RELN: variants seen among roughly 807,000 people sequenced by gnomAD.
The protein encoded by RELN is reelin.
RELN carries 108 observed loss-of-function variants against 427.6 expected under a neutral mutation model. That is an observed-to-expected ratio of 0.25 (90% CI 0.22 to 0.30). The LOEUF is 0.30. RELN is among the 10% of genes least tolerant of loss of function. The pLI is 1.00. For synonymous variants in RELN, 1,524 were observed against 1,513.4 expected (o/e 1.01, Z -0.16); for missense variants, 3,715 against 4,302.8 (o/e 0.86, Z 3.82).
At chr7:103,727,840 AC>A (rs1790251378) in intron 7 of RELN, among the ~76,000 whole-genome samples, 1 of 152,146 alleles carries the variant, frequency 6.6e-6, no homozygotes, top group Non-Finnish European at 1.5e-5. Flanking sequence ...TATAGCAAAT[AC>A]TCATATTTTT....
chr7:103,564,061 T>A (rs1426177063), intron 34 of RELN, among the ~76,000 whole-genome samples: 1 of 152,208 alleles, frequency 6.6e-6, no homozygotes, highest in Admixed American at 6.5e-5. Flanking sequence ...ATTTGGATCC[T>A]GGCATCAGCT....
chr7:103,936,931 T>G (rs1796000643), intron 1 of RELN, among the ~76,000 whole-genome samples: 1 of 152,230 alleles, frequency 6.6e-6, no homozygotes. Flanking sequence ...ATAAGATACT[T>G]CTAGATAATC....
intron 51 of RELN, 54 bp from the exon 52 acceptor site, chr7:103,503,284 C>A: frequency 6.5e-7 from 1 of 1,539,692 alleles, no homozygotes; most frequent in East Asian, 2.3e-5. Context: ...TATGATTCTT[C>A]TCCAAGGACT....
At chr7:103,881,789 A>C (rs1794612827) in intron 2 of RELN, among the ~76,000 whole-genome samples, 1 of 152,166 alleles carries the variant, frequency 6.6e-6, no homozygotes, top group South Asian at 2.1e-4. Flanking sequence ...CCCTGCCCAA[A>C]GTAAAACATC....
chr7:103,734,461 C>T (rs550048959), intron 6 of RELN, among the ~76,000 whole-genome samples: 2 of 152,240 alleles, frequency 1.3e-5, no homozygotes, highest in African/African-American at 4.8e-5. Flanking sequence ...GATTGTCCAC[C>T]TCAAAAATAT....
intron 2 of RELN, among the ~76,000 whole-genome samples, chr7:103,857,297 T>C (rs988373479): frequency 7.2e-5 from 11 of 152,220 alleles, no homozygotes; most frequent in Non-Finnish European, 2.9e-5. Flanking sequence ...TATGAATGTT[T>C]TTAAGAAATG....
intron 20 of RELN, among the ~76,000 whole-genome samples, chr7:103,615,715 T>C (rs988071574): frequency 6.6e-6 from 1 of 152,186 alleles, no homozygotes; most frequent in African/African-American, 2.4e-5. Context: ...TGAAGTCCTT[T>C]CTACTATGTC....
chr7:103,908,170 G>T (rs181509278), intron 2 of RELN, among the ~76,000 whole-genome samples: 2 of 152,164 alleles, frequency 1.3e-5, no homozygotes, highest in East Asian at 3.9e-4. Context: ...AGGCTCTAGG[G>T]GAGGTCCATT....
chr7:103,535,248 C>A, intron 46 of RELN, 68 bp downstream of exon 46: 1 of 1,471,956 alleles, frequency 6.8e-7, no homozygotes, highest in Non-Finnish European at 9.5e-7. Context: ...ACTTGACATG[C>A]CAAATGTTAT....
Position 103,535,307 on chromosome 7 carries a change from C to T in RELN, c.7349+9G>A, listed in dbSNP as rs1298847788. 1 of 1,613,554 alleles carries T rather than the reference C, an allele frequency of 6.2e-7. No individual in the cohort carries two copies. Among genetic ancestry groups the T allele is most frequent in the South Asian group, 1.1e-5 (1 of 91,070 alleles). The stretch of plus-strand genomic sequence containing the variant: ...GAAGCATGTGGTGAACATGTAGAAG[C>T]ATTCTTACCTGGTATAAGGAGGGAG... On this transcript the variant is annotated intron_variant, in intron 46 of 64. Coordinates refer to ENST00000428762, the MANE Select transcript of RELN (RefSeq NM_005045.4).
chr7:103,695,461 T>C (rs1833958582), intron 10 of RELN, among the ~76,000 whole-genome samples: 1 of 152,008 alleles, frequency 6.6e-6, no homozygotes, highest in African/African-American at 2.4e-5. Context: ...AGCTTATGAG[T>C]AGGATGAGGG....
At chr7:103,632,481 C>T (rs184525900) in intron 19 of RELN, among the ~76,000 whole-genome samples, 78 of 152,274 alleles carry the variant, frequency 5.1e-4, no homozygotes, top group African/African-American at 1.9e-3. Context: ...ACTATAAGTG[C>T]TAATGCCAGG....
chr7:103,722,807 C>T (rs1157220983), intron 8 of RELN, among the ~76,000 whole-genome samples: 2 of 152,148 alleles, frequency 1.3e-5, no homozygotes, highest in East Asian at 3.8e-4. Context: ...GAACATATTT[C>T]AATCTTAATC....
At chr7:103,986,343 T>C (rs1047348387) in intron 1 of RELN, among the ~76,000 whole-genome samples, 1 of 152,236 alleles carries the variant, frequency 6.6e-6, no homozygotes, top group African/African-American at 2.4e-5. Flanking sequence ...TACTACTTAA[T>C]GTAAAAATCT....
chr7:103,817,932 C>G (rs1792915714), intron 3 of RELN, among the ~76,000 whole-genome samples: 1 of 78,394 alleles, frequency 1.3e-5, no homozygotes, highest in Non-Finnish European at 2.2e-5. Context: ...AGTAAGACTC[C>G]ATCTCAAAAA....
chr7:103,898,317 C>T (rs1795006768), intron 2 of RELN, among the ~76,000 whole-genome samples: 1 of 151,958 alleles, frequency 6.6e-6, no homozygotes, highest in African/African-American at 2.4e-5. Context: ...TATACTAGTC[C>T]TTGCTCTTAA....
chr7:103,925,438 C>A (rs998700158), intron 1 of RELN, among the ~76,000 whole-genome samples: 5 of 152,012 alleles, frequency 3.3e-5, no homozygotes, highest in Non-Finnish European at 7.4e-5. Context: ...TATTATAATT[C>A]AGAGAACCAC....
At chr7:103,489,521 G>T (rs1342761733) in intron 60 of RELN, among the ~76,000 whole-genome samples, 1 of 152,282 alleles carries the variant, frequency 6.6e-6, no homozygotes, top group African/African-American at 2.4e-5. Flanking sequence ...GTCTGGAGTA[G>T]ATTTCATTTC....
rs541712057 is a variant in RELN, at chr7:103,818,811, T to C, written c.473+14726A>G. 2.0e-5 allele frequency among the ~76,000 whole-genome samples: 3 copies of C among 151,584 alleles called. No homozygotes were observed. The South Asian group carries it at 6.2e-4, about 32-fold the overall frequency. ...CTCATAATATAATGTAATGTTAGAGTTTTTTTCAAGCTAGATTAGAAAATA... is the reference window on the plus strand; with the variant it reads ...CTCATAATATAATGTAATGTTAGAGCTTTTTTCAAGCTAGATTAGAAAATA... On this transcript the variant is annotated intron_variant, in intron 3 of 64. Coordinates refer to ENST00000428762, the MANE Select transcript of RELN (RefSeq NM_005045.4).
Sources: gnomAD v4.1 joint callset for allele counts (sites outside exome capture counted in the v4.1 genomes callset) on GRCh38, gnomAD v4.1.1 for gene constraint, MANE v1.5 for transcripts, NCBI Gene and HGNC (gene_info 2026-07-23, HGNC 2026-07-21) for gene names.